GALNT15: variants seen among roughly 807,000 people sequenced by gnomAD.
The protein encoded by GALNT15 is polypeptide N-acetylgalactosaminyltransferase 15.
In GALNT15, 67 loss-of-function variants were observed where a neutral mutation model predicts 66.8. The observed-to-expected ratio is 1.00, with a 90% confidence interval of 0.82 to 1.23. The LOEUF is 1.23. GALNT15 is among the 50% of genes most tolerant of loss of function. The probability of loss-of-function intolerance (pLI) is 0.00; values close to 1 mark genes in which losing one functional copy is unlikely to be tolerated. For missense variants in GALNT15, 827 were observed against 804.3 expected, an observed-to-expected ratio of 1.03 and a Z score of -0.34; for synonymous variants, 313 against 311.5, an observed-to-expected ratio of 1.00 and a Z score of -0.05.
chr3:16,235,357 A>G (rs1344051620), downstream of GALNT15, among the ~76,000 whole-genome samples: 1 of 152,172 alleles, frequency 6.6e-6, no homozygotes, highest in Non-Finnish European at 1.5e-5. Context: ...CTGATGAAGC[A>G]AGGTTCCTCC....
At chr3:16,199,951 T>C (rs1215371469) in intron 2 of GALNT15, among the ~76,000 whole-genome samples, 3 of 152,148 alleles carry the variant, frequency 2.0e-5, no homozygotes, top group African/African-American at 7.2e-5. Flanking sequence ...TAGGACACTA[T>C]ATTAGTCTGT....
In GALNT15 at chr3:16,176,695, G is replaced by A. The variant is rs1401035481; in HGVS notation, c.539+1005G>A. 6.6e-6 allele frequency among the ~76,000 whole-genome samples: 1 copy of A among 152,184 alleles called. No individual in the cohort carries two copies. Among genetic ancestry groups the A allele is most frequent in the Non-Finnish European group, 1.5e-5 (1 of 68,030 alleles). On this transcript the variant is annotated intron_variant, in intron 1 of 9. Coordinates refer to ENST00000339732, the MANE Select transcript of GALNT15 (RefSeq NM_054110.5). This position sits in a 1 kb window ranked among gnomAD's most constrained non-coding sequence, Gnocchi z 5.6. ...AAGGCAGCTTGTTAGTTTTAGTTTG[G>A]TGATTTAGGTCCCTTTTCCTATAGG...
chr3:16,184,391 A>G lies in GALNT15; in HGVS notation c.539+8701A>G, dbSNP rs1392540759. Among the ~76,000 whole-genome samples the G allele has an allele frequency of 6.6e-6, 1 of 152,170 alleles. No individual in the cohort carries two copies. The highest frequency in any genetic ancestry group is 2.4e-5 in the African/African-American group (1 of 41,442). ...CCTCATTGGTTGGCTCAGCAATGCT[A>G]TGAATGTCTTTCCTTCAGTTCCTGG... is the stretch of plus-strand genomic sequence containing the variant. On this transcript the variant is annotated intron_variant, in intron 1 of 9. Coordinates refer to ENST00000339732, the MANE Select transcript of GALNT15 (RefSeq NM_054110.5). The surrounding 1 kb of genome is among the most constrained non-coding windows in gnomAD (Gnocchi z 5.0).
intron 4 of GALNT15, among the ~76,000 whole-genome samples, chr3:16,210,170 G>C (rs1329091709): frequency 6.6e-6 from 1 of 152,130 alleles, no homozygotes; most frequent in Non-Finnish European, 1.5e-5. Flanking sequence ...GCTTACCTTA[G>C]TCATCCCGCA....
At chr3:16,192,486 C>G (rs1411414423) in intron 1 of GALNT15, among the ~76,000 whole-genome samples, 1 of 152,082 alleles carries the variant, frequency 6.6e-6, no homozygotes, top group African/African-American at 2.4e-5. Flanking sequence ...TTTTCATACC[C>G]ACTAAATTCA....
In GALNT15 at chr3:16,200,946, C is replaced by G. The variant is rs1574980969; in HGVS notation, c.911+123C>G. The G allele has an allele frequency of 5.8e-6, 4 of 693,960 alleles. No individual in the cohort carries two copies. The East Asian group carries it at 1.3e-4, about 22-fold the overall frequency. The allele number at this position is 693,960 out of a possible 1,614,324, so 43.0% of individuals were successfully genotyped here. ...AATCTCCATTAGAGAGTGATATATT[C>G]CCTTCGGGTTTTCAGATGTGTAAGT... On this transcript the variant is annotated intron_variant, in intron 3 of 9. Coordinates refer to ENST00000339732, the MANE Select transcript of GALNT15 (RefSeq NM_054110.5). The surrounding 1 kb of genome is among the most constrained non-coding windows in gnomAD (Gnocchi z 4.4).
downstream of GALNT15, among the ~76,000 whole-genome samples, chr3:16,236,213 T>G (rs555937310): frequency 7.0e-6 from 1 of 143,264 alleles, no homozygotes; most frequent in South Asian, 2.5e-4. Context: ...TGTTGCCACA[T>G]ACCACCAAAG....
At chr3:16,231,343 A>G (rs1304924197), downstream of GALNT15, among the ~76,000 whole-genome samples, 5 of 152,196 alleles carry the variant, frequency 3.3e-5, no homozygotes, top group Admixed American at 1.3e-4. This position sits in a 1 kb window ranked among gnomAD's most constrained non-coding sequence, Gnocchi z 4.1. Context: ...TAGTCCCTCC[A>G]ATCTCAAATC....
intron 1 of GALNT15, among the ~76,000 whole-genome samples, chr3:16,178,715 T>C (rs2063439483): frequency 6.6e-6 from 1 of 152,168 alleles, no homozygotes; most frequent in South Asian, 2.1e-4. Context: ...CTCCTACCCC[T>C]TTAAATCTGG....
At chr3:16,192,026 A>G (rs1329186037) in intron 1 of GALNT15, among the ~76,000 whole-genome samples, 1 of 152,210 alleles carries the variant, frequency 6.6e-6, no homozygotes, top group Non-Finnish European at 1.5e-5. Context: ...ATGGGCCTAA[A>G]GGGTAATTAT....
rs2064037666 is a variant in GALNT15 at position 16,227,640 on chromosome 3, G to T, written c.*140G>T. 3 of 1,469,402 alleles carry T rather than the reference G, an allele frequency of 2.0e-6. No homozygotes were observed. Among genetic ancestry groups the T allele is most frequent in the South Asian group, 1.4e-5 (1 of 71,906 alleles). 91.0% of individuals were successfully genotyped at this position (1,469,402 alleles called of 1,614,324 possible). ...TAGGAGAGAAAAAAGCTCTATGAAA[G>T]AATATAGGAAGTTTCTCCTTTTCAC... On this transcript the variant is annotated 3_prime_UTR_variant, in exon 10 of 10. Coordinates refer to ENST00000339732, the MANE Select transcript of GALNT15 (RefSeq NM_054110.5). The surrounding 1 kb of genome is among the most constrained non-coding windows in gnomAD (Gnocchi z 4.5).
In GALNT15 at chr3:16,204,730, G is replaced by A. The variant is rs1185598164; in HGVS notation, c.912-3773G>A. On this transcript the variant is annotated intron_variant, in intron 3 of 9. Coordinates refer to ENST00000339732, the MANE Select transcript of GALNT15 (RefSeq NM_054110.5). This position sits in a 1 kb window ranked among gnomAD's most constrained non-coding sequence, Gnocchi z 4.5. ...ACAAGTTATCTCTTACTTGAAAATG[G>A]GTCTGGTCCCTATCTGCGAGACATC... 6.6e-6 allele frequency among the ~76,000 whole-genome samples: 1 copy of A among 152,216 alleles called. No individual in the cohort carries two copies. The highest frequency in any genetic ancestry group is 6.5e-5 in the Admixed American group (1 of 15,280).
In GALNT15 at chr3:16,182,882, T is replaced by C. The variant is rs2063483712; in HGVS notation, c.539+7192T>C. 1 of 152,464 alleles carries C rather than the reference T, an allele frequency of 6.6e-6. No homozygotes were observed. The highest frequency in any genetic ancestry group is 2.1e-4 in the South Asian group (1 of 4,816). The allele number at this position is 152,464 out of a possible 1,614,324, so 9.4% of individuals were successfully genotyped here. A position where few individuals can be genotyped will look rare whatever the true frequency, so the allele number is the denominator to read the frequency against. On this transcript the variant is annotated intron_variant, in intron 1 of 9. Transcript: ENST00000339732. The surrounding 1 kb of genome is among the most constrained non-coding windows in gnomAD (Gnocchi z 6.1). ...CGTCTTGGCTTCTACCACCCCGTCT[T>C]TGGGTTACTGTCTGCTCTATGACCT...
rs540396167 is a variant in GALNT15 at position 16,208,668 on chromosome 3, C to G, written c.1077C>G (p.Ile359Met). Residue 359 changes from isoleucine (I) to methionine (M), a missense_variant and splice_region_variant, in exon 4 of 10, where the codon ATC (isoleucine) becomes ATG (methionine). Transcript: ENST00000339732. ...CCCTCCAGTCCCCCATAAGCCCCAT[C>G]AGGTGAGTCCCCATTTCACACCTGC... ...RKALQSPISPIRSPVVPGEVV... is the reference protein window; with the variant it reads ...RKALQSPISPMRSPVVPGEVV... 6.2e-7 allele frequency: 1 copy of G among 1,613,384 alleles called. No individual in the cohort carries two copies.
chr3:16,187,399 A>C lies in GALNT15; in HGVS notation c.540-8361A>C, dbSNP rs990263187. On this transcript the variant is annotated intron_variant, in intron 1 of 9. Coordinates refer to ENST00000339732, the MANE Select transcript of GALNT15 (RefSeq NM_054110.5). The surrounding 1 kb of genome is among the most constrained non-coding windows in gnomAD (Gnocchi z 5.1). Reference sequence around the variant, plus strand: ...TGTGGCTGCCATCAGAGGGCGGCTGACTGCACTGAATATTAAGATGGCCTC... The same window carrying C: ...TGTGGCTGCCATCAGAGGGCGGCTGCCTGCACTGAATATTAAGATGGCCTC... Among the ~76,000 whole-genome samples, 5 of 152,204 alleles carry C rather than the reference A, an allele frequency of 3.3e-5. No homozygotes were observed. The highest frequency in any genetic ancestry group is 1.2e-4 in the African/African-American group (5 of 41,450).
chr3:16,222,073 A>C (rs1395392430), intron 8 of GALNT15, among the ~76,000 whole-genome samples: 1 of 152,226 alleles, frequency 6.6e-6, no homozygotes, highest in Non-Finnish European at 1.5e-5. Flanking sequence ...ACAAACAGAA[A>C]ATAGTCTTTC....
intron 6 of GALNT15, among the ~76,000 whole-genome samples, chr3:16,213,097 A>G (rs545147995): frequency 1.3e-5 from 2 of 152,236 alleles, no homozygotes; most frequent in African/African-American, 4.8e-5. Context: ...GTCTCCTTTC[A>G]TCCTGAGCAA....
the GALNT15 span, among the ~76,000 whole-genome samples, chr3:16,247,318 A>T: frequency 1.3e-5 from 2 of 152,234 alleles, no homozygotes; most frequent in Admixed American, 1.3e-4. Context: ...TTTAATCCTC[A>T]CAACCACCCT....
At chr3:16,205,398 A>C (rs2063746363) in intron 3 of GALNT15, among the ~76,000 whole-genome samples, 1 of 152,244 alleles carries the variant, frequency 6.6e-6, no homozygotes, top group African/African-American at 2.4e-5. Flanking sequence ...ACAGTAATGT[A>C]TTCGTTGATC....
Sources: allele counts gnomAD v4.1 joint callset (sites outside exome capture counted in the v4.1 genomes callset), GRCh38; gene constraint gnomAD v4.1.1; non-coding constraint Gnocchi (gnomAD v3.1); transcripts MANE v1.5; gene names NCBI Gene and HGNC (gene_info 2026-07-23, HGNC 2026-07-21).